SNTG2: variants seen among roughly 807,000 people sequenced by gnomAD.
The protein encoded by SNTG2 is gamma-2-syntrophin.
SNTG2 carries 74 observed loss-of-function variants against 70.9 expected under a neutral mutation model. The observed-to-expected ratio is 1.04, with a 90% CI of 0.86 to 1.27. The LOEUF is 1.27. SNTG2 is among the 50% of genes most tolerant of loss of function. The pLI, the probability that SNTG2 is intolerant of heterozygous loss-of-function variation, is 0.00. For missense variants in SNTG2, 717 were observed against 690.7 expected, an observed-to-expected ratio of 1.04 and a Z score of -0.43; for synonymous variants, 278 against 273.8, an observed-to-expected ratio of 1.02 and a Z score of -0.15.
intron 4 of SNTG2, among the ~76,000 whole-genome samples, chr2:1,110,314 A>G (rs748546028): frequency 3.3e-5 from 5 of 152,056 alleles, no homozygotes; most frequent in Admixed American, 6.5e-5. Flanking sequence ...ATGGGCCTCC[A>G]CCTGTATTTT....
chr2:1,123,942 AG>A (rs1435461782), intron 4 of SNTG2, among the ~76,000 whole-genome samples: 1 of 152,220 alleles, frequency 6.6e-6, no homozygotes, highest in Non-Finnish European at 1.5e-5. Flanking sequence ...AACTCATGGA[AG>A]CAGAGAGTAG....
intron 1 of SNTG2, among the ~76,000 whole-genome samples, chr2:1,045,231 T>C (rs1279643505): frequency 6.6e-6 from 1 of 152,098 alleles, no homozygotes; most frequent in Non-Finnish European, 1.5e-5. Context: ...GTGGAGATAG[T>C]GGTAATGTCC....
rs545571456 is a variant in SNTG2, at chr2:1,159,152, G to T, written c.412-6396G>T. ...TGCATGGGTGTGCATATGTGGGGGGGGTGTGTGAGTGCATGAGTGCGTATG... is the reference window on the plus strand; with the variant it reads ...TGCATGGGTGTGCATATGTGGGGGGTGTGTGTGAGTGCATGAGTGCGTATG... On this transcript the variant is annotated intron_variant, in intron 6 of 16. Coordinates refer to ENST00000308624, the MANE Select transcript of SNTG2 (RefSeq NM_018968.4). Among the ~76,000 whole-genome samples the T allele has an allele frequency of 6.9e-3, 1,048 of 151,066 alleles. 6 individuals carry two copies. The highest frequency in any genetic ancestry group is 0.01 in the Non-Finnish European group (710 of 67,734).
intron 4 of SNTG2, among the ~76,000 whole-genome samples, chr2:1,113,981 G>T (rs1430160722): frequency 1.3e-5 from 2 of 150,532 alleles, no homozygotes; most frequent in African/African-American, 4.9e-5. Flanking sequence ...CTTTGAGGAG[G>T]GTGGTGTGTA....
At chr2:1,173,896 GA>G (rs1372247927) in intron 8 of SNTG2, among the ~76,000 whole-genome samples, 1 of 152,266 alleles carries the variant, frequency 6.6e-6, no homozygotes, top group Non-Finnish European at 1.5e-5. Context: ...TAGTGCACGA[GA>G]AATGTAGAAT....
intron 1 of SNTG2, among the ~76,000 whole-genome samples, chr2:1,026,460 G>T (rs1004616434): frequency 2.6e-5 from 4 of 152,080 alleles, no homozygotes; most frequent in African/African-American, 9.7e-5. Context: ...AATAGTTTTA[G>T]GAAATTATAA....
chr2:1,209,200 C>G lies in SNTG2; in HGVS notation c.689C>G (p.Ser230Ter). 1 of 1,613,948 alleles carries G rather than the reference C, an allele frequency of 6.2e-7. No individual in the cohort carries two copies. The highest frequency in any genetic ancestry group is 1.3e-5 in the African/African-American group (1 of 75,034). Residue 230 changes from serine (S) to a stop codon, truncating the protein, a stop_gained, in exon 9 of 17, where the codon TCA becomes TGA. Coordinates refer to ENST00000308624, the MANE Select transcript of SNTG2 (RefSeq NM_018968.4). LOFTEE classifies it high-confidence loss of function. ...LSVPLSMARI[S>*]RYKAGTEKLR... Reference sequence around the variant, plus strand: ...GTGCCTCTGTCCATGGCTCGCATCTCAAGGTACAAAGCCGGAACGGAAAAA... The same window carrying G: ...GTGCCTCTGTCCATGGCTCGCATCTGAAGGTACAAAGCCGGAACGGAAAAA...
intron 15 of SNTG2, among the ~76,000 whole-genome samples, chr2:1,312,726 A>G (rs946429840): frequency 2.0e-5 from 3 of 152,212 alleles, no homozygotes; most frequent in East Asian, 1.9e-4. Context: ...CTGTATTTAG[A>G]GCGATTGGTG....
chr2:1,297,339 A>G (rs1191238663), intron 14 of SNTG2, among the ~76,000 whole-genome samples: 1 of 152,244 alleles, frequency 6.6e-6, no homozygotes, highest in Non-Finnish European at 1.5e-5. Context: ...GAGAATGTAA[A>G]CCCGTTACTT....
chr2:1,251,760 T>TACACGCACACC (rs1366454823), intron 12 of SNTG2, among the ~76,000 whole-genome samples: 3 of 127,034 alleles, frequency 2.4e-5, no homozygotes, highest in African/African-American at 9.2e-5. Flanking sequence ...ACACACACAC[T>TACACGCACACC]ACACGCACAC....
chr2:1,199,375 C>A (rs1040271125), intron 8 of SNTG2, among the ~76,000 whole-genome samples: 1 of 151,772 alleles, frequency 6.6e-6, no homozygotes, highest in Non-Finnish European at 1.5e-5. Flanking sequence ...GGATAAACTT[C>A]AGCATAAGGT....
chr2:1,318,212 A>G (rs1300917479), intron 16 of SNTG2, among the ~76,000 whole-genome samples: 1 of 152,228 alleles, frequency 6.6e-6, no homozygotes, highest in Non-Finnish European at 1.5e-5. Context: ...AATTTACTAA[A>G]CTGAAAAATA....
At chr2:1,227,698 T>C (rs1262759353) in intron 9 of SNTG2, among the ~76,000 whole-genome samples, 1 of 152,232 alleles carries the variant, frequency 6.6e-6, no homozygotes, top group East Asian at 1.9e-4. Context: ...CACTGGCCTG[T>C]TGCGGTCAGC....
chr2:1,271,889 A>G (rs1472959100), intron 14 of SNTG2, among the ~76,000 whole-genome samples: 1 of 152,030 alleles, frequency 6.6e-6, no homozygotes, highest in Non-Finnish European at 1.5e-5. Context: ...AGGGAATGCC[A>G]TTGGCTGATT....
At position 1,097,486 on chromosome 2, in the gene SNTG2, C is replaced by G. The variant is rs62107374; in HGVS notation, c.211-710C>G. Among the ~76,000 whole-genome samples, 7 of 152,140 alleles carry G rather than the reference C, an allele frequency of 4.6e-5. No homozygotes were observed. The highest frequency in any genetic ancestry group is 1.0e-4 in the Non-Finnish European group (7 of 68,038). ...CCGTCTACCCCAGGCTGCCTCTGTG[C>G]GCCCCCTCAGAGCAGCACCAGTCAC... On this transcript the variant is annotated intron_variant, in intron 2 of 16. Transcript: ENST00000308624. The surrounding 1 kb of genome is among the most constrained non-coding windows in gnomAD (Gnocchi z 4.1).
chr2:1,055,577 G>C (rs1219158967), intron 1 of SNTG2, among the ~76,000 whole-genome samples: 1 of 151,994 alleles, frequency 6.6e-6, no homozygotes, highest in Non-Finnish European at 1.5e-5. Flanking sequence ...TTTTGAGTCA[G>C]TGTGATGCCA....
intron 1 of SNTG2, among the ~76,000 whole-genome samples, chr2:1,074,475 G>A (rs1663792583): frequency 6.6e-6 from 1 of 152,174 alleles, no homozygotes; most frequent in South Asian, 2.1e-4. Context: ...AGAATAAACA[G>A]TGGTCTTTAC....
intron 14 of SNTG2, among the ~76,000 whole-genome samples, chr2:1,307,729 A>G (rs1368746732): frequency 2.0e-5 from 3 of 152,202 alleles, no homozygotes; most frequent in Non-Finnish European, 4.4e-5. Context: ...TCGCATGAAA[A>G]CATTTAAAGC....
chr2:1,324,926 G>A (rs1030024282), intron 16 of SNTG2, among the ~76,000 whole-genome samples: 1 of 152,186 alleles, frequency 6.6e-6, no homozygotes, highest in African/African-American at 2.4e-5. Flanking sequence ...TGAATTGGGT[G>A]AATTCCTTCC....
Sources: allele counts gnomAD v4.1 joint callset (sites outside exome capture counted in the v4.1 genomes callset), GRCh38; gene constraint gnomAD v4.1.1; non-coding constraint Gnocchi (gnomAD v3.1); transcripts MANE v1.5; gene names NCBI Gene and HGNC (gene_info 2026-07-23, HGNC 2026-07-21).